The following PANX1 variants were observed in gnomAD, a reference collection of about 807,000 sequenced individuals.
PANX1 encodes the protein pannexin-1.
A neutral mutation model predicts 38.7 loss-of-function variants in PANX1; 30 were observed. The ratio of observed to expected loss-of-function variants is 0.78; its 90% CI spans 0.58 to 1.05. The LOEUF (loss-of-function observed/expected upper bound fraction) is 1.05. Among genes scored for constraint, PANX1 ranks in the 50% least tolerant of loss-of-function variants. The probability of loss-of-function intolerance (pLI) is 0.00; values close to 1 mark genes in which losing one functional copy is unlikely to be tolerated. For synonymous variants in PANX1, 230 were observed against 212.2 expected, an observed-to-expected ratio of 1.08 and a Z score of -0.73; for missense variants, 551 against 517.2, an observed-to-expected ratio of 1.07 and a Z score of -0.63.
At chr11:94,159,780 T>C (rs563238613) in intron 2 of PANX1, among the ~76,000 whole-genome samples, 1 of 151,964 alleles carries the variant, frequency 6.6e-6, no homozygotes, top group South Asian at 2.1e-4. Context: ...CTTTTGAATG[T>C]GTTTGCTCTT....
chr11:94,165,383 C>T (rs1947091068), intron 2 of PANX1, among the ~76,000 whole-genome samples: 1 of 150,956 alleles, frequency 6.6e-6, no homozygotes, highest in Non-Finnish European at 1.5e-5. Context: ...TTTTAGGGTA[C>T]ATGTGCACAA....
intron 2 of PANX1, among the ~76,000 whole-genome samples, chr11:94,154,613 G>T (rs1010301736): frequency 6.6e-6 from 1 of 152,074 alleles, no homozygotes; most frequent in African/African-American, 2.4e-5. Context: ...ATCCTTCTTC[G>T]TAAAAGGAAT....
intron 2 of PANX1, among the ~76,000 whole-genome samples, chr11:94,171,491 G>A (rs112610582): frequency 4.0e-5 from 6 of 151,608 alleles, no homozygotes; most frequent in Non-Finnish European, 8.8e-5. Flanking sequence ...GTGGGTGCTT[G>A]AAGACTATAT....
intron 2 of PANX1, among the ~76,000 whole-genome samples, chr11:94,168,195 A>C (rs1289822447): frequency 6.6e-6 from 1 of 152,194 alleles, no homozygotes; most frequent in Non-Finnish European, 1.5e-5. Context: ...ATACAGGCCC[A>C]AAAGCACAAA....
chr11:94,180,131 CAG>C lies in PANX1; in HGVS notation c.1076_1077del (p.Gln359ArgfsTer20). The stretch of plus-strand genomic sequence containing the variant: ...ACTGGAGAATATTAAGAGCAGTGGT[CAG>C]GGGATCGACCCAATGCTACTCCTGA... ...KVLENIKSSG[Q>X]GIDPMLLLTN... On this transcript the variant is annotated frameshift_variant, in exon 4 of 5. Coordinates refer to ENST00000227638, the MANE Select transcript of PANX1 (RefSeq NM_015368.4). LOFTEE classifies it high-confidence loss of function. 1 of 1,613,918 alleles carries C rather than the reference CAG, an allele frequency of 6.2e-7. No individual in the cohort carries two copies. The highest frequency in any genetic ancestry group is 8.5e-7 in the Non-Finnish European group (1 of 1,179,948).
chr11:94,149,394 AG>A (rs1362327226), intron 1 of PANX1, among the ~76,000 whole-genome samples: 3 of 152,218 alleles, frequency 2.0e-5, no homozygotes, highest in Non-Finnish European at 4.4e-5. Context: ...CCTATGCTCC[AG>A]GTCAAGGCAC....
At chr11:94,169,475 G>A (rs996731396) in intron 2 of PANX1, among the ~76,000 whole-genome samples, 1 of 151,622 alleles carries the variant, frequency 6.6e-6, no homozygotes, top group Admixed American at 6.6e-5. Context: ...ATATGTCGAA[G>A]TTTTAACCCA....
intron 2 of PANX1, among the ~76,000 whole-genome samples, chr11:94,161,063 T>G (rs1947025330): frequency 6.6e-6 from 1 of 152,234 alleles, no homozygotes; most frequent in Non-Finnish European, 1.5e-5. Context: ...CCCACTCTCT[T>G]CTGGCTTGTA....
At chr11:94,168,267 T>C (rs546880050) in intron 2 of PANX1, among the ~76,000 whole-genome samples, 40 of 152,226 alleles carry the variant, frequency 2.6e-4, no homozygotes, top group Admixed American at 7.2e-4. Context: ...GTTGGGGGCA[T>C]TGGGGCCTTG....
chr11:94,152,228 A>C (rs775408565), intron 1 of PANX1, among the ~76,000 whole-genome samples: 2 of 152,208 alleles, frequency 1.3e-5, no homozygotes, highest in African/African-American at 4.8e-5. Flanking sequence ...AACTTCTGGG[A>C]ACCAGACACC....
Position 94,178,580 on chromosome 11 carries a change from A to T in PANX1, c.533A>T (p.Asn178Ile). The part of the protein sequence containing the change: ...GACSVPGVTE[N>I]LGQSLWEVSE... ...TGCTCAGTTCCAGGTGTTACCGAGA[A>T]CTTAGGGCAAAGGTAACTTAGCCCC... is the stretch of plus-strand genomic sequence containing the variant. Residue 178 changes from asparagine (N) to isoleucine (I), a missense_variant, in exon 3 of 5, where the codon AAC (asparagine) becomes ATC (isoleucine). Physicochemically the swap from Asn to Ile is moderately radical, Grantham distance 149 (BLOSUM62 -3). Transcript: ENST00000227638. 4 of 1,613,590 alleles carry T rather than the reference A, an allele frequency of 2.5e-6. No homozygotes were observed. The highest frequency in any genetic ancestry group is 3.4e-6 in the Non-Finnish European group (4 of 1,179,578).
chr11:94,173,100 T>C (rs1381603073), intron 2 of PANX1, among the ~76,000 whole-genome samples: 1 of 151,780 alleles, frequency 6.6e-6, no homozygotes, highest in African/African-American at 2.4e-5. Context: ...AGTGCGGTAT[T>C]ACCTGAACAG....
intron 1 of PANX1, among the ~76,000 whole-genome samples, chr11:94,150,175 G>A (rs556124674): frequency 5.1e-4 from 76 of 150,158 alleles, no homozygotes; most frequent in African/African-American, 1.4e-3. Context: ...GAGGGCCTCC[G>A]GGCAGAGGGG....
At chr11:94,171,070 C>T (rs1049542936) in intron 2 of PANX1, among the ~76,000 whole-genome samples, 7 of 151,592 alleles carry the variant, frequency 4.6e-5, no homozygotes, top group Admixed American at 6.6e-5. Flanking sequence ...TGTCATTCTC[C>T]CAGTCACCCC....
At position 94,132,263 on chromosome 11, in the gene PANX1, G is replaced by T. The variant is rs146511905; in HGVS notation, c.181+2770G>T. On this transcript the variant is annotated intron_variant, in intron 1 of 4. Coordinates refer to ENST00000227638, the MANE Select transcript of PANX1 (RefSeq NM_015368.4). The stretch of plus-strand genomic sequence containing the variant: ...ATCTTTCCTCTGGAAGCACGGTCTA[G>T]TAGAGAAGTTGAACGCATAACCCTC... Among the ~76,000 whole-genome samples, 454 of 152,352 alleles carry T rather than the reference G, an allele frequency of 3.0e-3. 1 individual carries two copies. The highest frequency in any genetic ancestry group is 6.8e-3 in the Middle Eastern group (2 of 294).
At chr11:94,133,778 G>A (rs1348232395) in intron 1 of PANX1, among the ~76,000 whole-genome samples, 2 of 152,346 alleles carry the variant, frequency 1.3e-5, no homozygotes, top group South Asian at 4.1e-4. Flanking sequence ...GGTTTCACCA[G>A]CCCTCATTTT....
chr11:94,173,955 G>A (rs1056428445), intron 2 of PANX1, among the ~76,000 whole-genome samples: 5 of 151,542 alleles, frequency 3.3e-5, no homozygotes, highest in African/African-American at 9.8e-5. Flanking sequence ...GCTCCTTTTG[G>A]TGCTTTCAGG....
At chr11:94,156,833 G>A (rs537750413) in intron 2 of PANX1, among the ~76,000 whole-genome samples, 6 of 150,684 alleles carry the variant, frequency 4.0e-5, no homozygotes, top group South Asian at 2.1e-4. Context: ...CCATTAACTC[G>A]TCATTTAACA....
chr11:94,176,588 C>A lies in PANX1; in HGVS notation c.322-1781C>A, dbSNP rs188280709. On this transcript the variant is annotated intron_variant, in intron 2 of 4. Transcript: ENST00000227638. The stretch of plus-strand genomic sequence containing the variant: ...GGGCTTATGGGAATGCTCTGTACAT[C>A]TGAAATTACAGTGAGGGCCATGTTG... Among the ~76,000 whole-genome samples the A allele has an allele frequency of 1.4e-4, 22 of 151,734 alleles. No individual in the cohort carries two copies. In the East Asian group the frequency reaches 4.2e-3, roughly 29 times the overall value.
Sources: allele counts gnomAD v4.1 joint callset (sites outside exome capture counted in the v4.1 genomes callset), GRCh38; gene constraint gnomAD v4.1.1; transcripts MANE v1.5; gene names NCBI Gene and HGNC (gene_info 2026-07-23, HGNC 2026-07-21).